The following PTPRD variants were observed in gnomAD, a reference collection of about 807,000 sequenced individuals.
PTPRD encodes the protein protein tyrosine phosphatase receptor type D.
Under a neutral mutation model 214.5 loss-of-function variants are expected in PTPRD, and 34 were observed. The observed-to-expected ratio is 0.16, with a 90% CI of 0.12 to 0.21. The LOEUF (loss-of-function observed/expected upper bound fraction) is 0.21. PTPRD is among the 10% of genes least tolerant of loss of function. The pLI, the probability that PTPRD is intolerant of heterozygous loss-of-function variation, is 1.00. For missense variants in PTPRD, 2,545 were observed against 2,398.7 expected (o/e 1.06, Z -1.27); for synonymous variants, 1,128 against 845.7 (o/e 1.33, Z -5.79).
chr9:9,303,166 C>G (rs1439362563), intron 9 of PTPRD, among the ~76,000 whole-genome samples: 1 of 151,950 alleles, frequency 6.6e-6, no homozygotes, highest in Non-Finnish European at 1.5e-5. Flanking sequence ...ACAACATATT[C>G]GCAATGCAAA....
At chr9:9,983,680 GT>G (rs2095616828) in intron 4 of PTPRD, among the ~76,000 whole-genome samples, 1 of 152,176 alleles carries the variant, frequency 6.6e-6, no homozygotes, top group South Asian at 2.1e-4. Flanking sequence ...TTCTGTTTAA[GT>G]TAAAAAATAA....
chr9:10,028,908 G>A (rs965166786), intron 4 of PTPRD, among the ~76,000 whole-genome samples: 4 of 152,128 alleles, frequency 2.6e-5, no homozygotes, highest in Non-Finnish European at 5.9e-5. Flanking sequence ...CATGTCAGAG[G>A]TCTTCACAGC....
intron 11 of PTPRD, among the ~76,000 whole-genome samples, chr9:8,947,177 T>C (rs923544682): frequency 2.6e-5 from 4 of 151,864 alleles, no homozygotes; most frequent in African/African-American, 9.6e-5. Context: ...AAAATTACTA[T>C]GGTAGGTTGG....
chr9:9,114,694 G>C (rs1446177443), intron 10 of PTPRD, among the ~76,000 whole-genome samples: 1 of 151,958 alleles, frequency 6.6e-6, no homozygotes, highest in Non-Finnish European at 1.5e-5. Flanking sequence ...AATTTTACAA[G>C]CTCCAAAAAA....
In PTPRD at chr9:8,730,405, C is replaced by G. The variant is rs144252338; in HGVS notation, c.64+3375G>C. Reference sequence around the variant, plus strand: ...CAAGTAAATGGATGAACTAAACCATCTGAGGAATTAAATTATGAAGAGTGT... The same window carrying G: ...CAAGTAAATGGATGAACTAAACCATGTGAGGAATTAAATTATGAAGAGTGT... On this transcript the variant is annotated intron_variant, in intron 12 of 45. Transcript: ENST00000381196. Among the ~76,000 whole-genome samples, 313 of 152,204 alleles carry G rather than the reference C, an allele frequency of 2.1e-3. 2 individuals are homozygous for G. The highest frequency in any genetic ancestry group is 7.4e-3 in the African/African-American group (307 of 41,526).
At chr9:8,935,170 G>T (rs1038109212) in intron 11 of PTPRD, among the ~76,000 whole-genome samples, 4 of 152,086 alleles carry the variant, frequency 2.6e-5, no homozygotes, top group Admixed American at 2.0e-4. Context: ...AATTGCCTCT[G>T]TTTGCATATG....
chr9:8,665,025 C>T (rs1476712396), intron 12 of PTPRD, among the ~76,000 whole-genome samples: 1 of 152,082 alleles, frequency 6.6e-6, no homozygotes, highest in African/African-American at 2.4e-5. Flanking sequence ...TAAAATCTAT[C>T]AGAGAATGCA....
chr9:10,279,474 G>A (rs906790086), intron 3 of PTPRD, among the ~76,000 whole-genome samples: 4 of 151,844 alleles, frequency 2.6e-5, no homozygotes, highest in African/African-American at 7.3e-5. Flanking sequence ...TTTACCTACT[G>A]TAATCTTTCT....
chr9:10,227,280 A>G (rs1564645724), intron 3 of PTPRD, among the ~76,000 whole-genome samples: 1 of 152,044 alleles, frequency 6.6e-6, no homozygotes, highest in East Asian at 1.9e-4. Flanking sequence ...ATGGGAAGTC[A>G]TGAATTATAA....
intron 2 of PTPRD, among the ~76,000 whole-genome samples, chr9:10,502,546 G>T (rs2044137262): frequency 6.6e-6 from 1 of 151,972 alleles, no homozygotes; most frequent in Non-Finnish European, 1.5e-5. Context: ...CATAAGTTCT[G>T]CCAGCTTTAA....
chr9:9,709,747 T>C (rs2097690975), intron 7 of PTPRD, among the ~76,000 whole-genome samples: 2 of 152,070 alleles, frequency 1.3e-5, no homozygotes, highest in South Asian at 4.1e-4. Context: ...ATTTGCTCTG[T>C]ATTATTGACC....
At chr9:9,265,933 A>C (rs1370336352) in intron 9 of PTPRD, among the ~76,000 whole-genome samples, 1 of 151,582 alleles carries the variant, frequency 6.6e-6, no homozygotes, top group Non-Finnish European at 1.5e-5. Flanking sequence ...ATCAAAAGAC[A>C]GAGTGGCTAA....
intron 12 of PTPRD, among the ~76,000 whole-genome samples, chr9:8,659,074 GAA>G (rs5896251): frequency 0.14 from 20,181 of 147,900 alleles, 1,472 homozygotes; most frequent in African/African-American, 0.18. Flanking sequence ...GAAGTAACTG[GAA>G]AAAAAAAAAG....
chr9:8,718,707 C>T (rs2098462132), intron 12 of PTPRD, among the ~76,000 whole-genome samples: 1 of 152,212 alleles, frequency 6.6e-6, no homozygotes, highest in Admixed American at 6.5e-5. Flanking sequence ...GCCCTTCCTA[C>T]ATCTGCAGAA....
chr9:9,243,153 GCA>G (rs1235098555), intron 9 of PTPRD, among the ~76,000 whole-genome samples: 1 of 152,064 alleles, frequency 6.6e-6, no homozygotes, highest in East Asian at 1.9e-4. Flanking sequence ...CTGCAGAACA[GCA>G]AATATTGCTG....
chr9:8,956,984 C>T (rs943545664), intron 11 of PTPRD, among the ~76,000 whole-genome samples: 1 of 151,816 alleles, frequency 6.6e-6, no homozygotes, highest in Non-Finnish European at 1.5e-5. Flanking sequence ...TTTCATGTCC[C>T]TGCGTTAATG....
intron 3 of PTPRD, among the ~76,000 whole-genome samples, chr9:10,272,798 C>T (rs1426988585): frequency 6.6e-6 from 1 of 152,096 alleles, no homozygotes; most frequent in African/African-American, 2.4e-5. Flanking sequence ...GAAATGTTTG[C>T]CTTTTTAAAA....
intron 5 of PTPRD, among the ~76,000 whole-genome samples, chr9:9,882,693 T>A (rs752550003): frequency 6.6e-6 from 1 of 152,166 alleles, no homozygotes; most frequent in Non-Finnish European, 1.5e-5. Context: ...ATGTTCCTGT[T>A]AAGGAGGAAG....
chr9:10,343,900 G>GATATT (rs1030002741), intron 2 of PTPRD, among the ~76,000 whole-genome samples: 1 of 149,092 alleles, frequency 6.7e-6, no homozygotes, highest in African/African-American at 2.5e-5. Flanking sequence ...GTAGATTCTG[G>GATATT]ATATTAGCTC....
Sources: allele counts gnomAD v4.1 joint callset (sites outside exome capture counted in the v4.1 genomes callset), GRCh38; gene constraint gnomAD v4.1.1; transcripts MANE v1.5; gene names NCBI Gene and HGNC (gene_info 2026-07-23, HGNC 2026-07-21).